The following FOCAD variants were observed in gnomAD, a reference collection of about 807,000 sequenced individuals.
FOCAD encodes KIAA1797.
Under a neutral mutation model 225.6 loss-of-function variants are expected in FOCAD, and 198 were observed. The ratio of observed to expected loss-of-function variants is 0.88; its 90% confidence interval spans 0.78 to 0.99. FOCAD has a LOEUF of 0.99. Ranked by LOEUF, FOCAD falls within the 50% of genes least tolerant of loss-of-function variation. The probability of loss-of-function intolerance (pLI) is 0.00; values close to 1 mark genes in which losing one functional copy is unlikely to be tolerated. For missense variants in FOCAD, 2,713 were observed against 2,123.6 expected (o/e 1.28, Z -5.46); for synonymous variants, 897 against 755.0 (o/e 1.19, Z -3.08).
intron 7 of FOCAD, among the ~76,000 whole-genome samples, chr9:20,769,602 A>T (rs1250057309): frequency 1.3e-5 from 2 of 152,238 alleles, no homozygotes; most frequent in Non-Finnish European, 2.9e-5. Context: ...TATCTTGCAG[A>T]TAAAGGGCTT....
intron 30 of FOCAD, 112 bp downstream of exon 30, chr9:20,946,932 C>T (rs1837240720): frequency 7.5e-7 from 1 of 1,328,686 alleles, no homozygotes; most frequent in Non-Finnish European, 1.0e-6. Flanking sequence ...ATGTCTAGAA[C>T]TGAGGAACTT....
At chr9:20,801,272 A>T (rs1030272654) in intron 11 of FOCAD, among the ~76,000 whole-genome samples, 1 of 152,186 alleles carries the variant, frequency 6.6e-6, no homozygotes, top group Non-Finnish European at 1.5e-5. Flanking sequence ...AGGGGGTTTT[A>T]TAATGATTAA....
At chr9:20,723,825 A>G (rs1403601068) in intron 4 of FOCAD, among the ~76,000 whole-genome samples, 1 of 152,212 alleles carries the variant, frequency 6.6e-6, no homozygotes, top group East Asian at 1.9e-4. Flanking sequence ...GGTAATTTAT[A>G]AAGAAAAGTG....
chr9:20,947,944 G>T (rs1430287558), intron 30 of FOCAD, among the ~76,000 whole-genome samples: 1 of 152,120 alleles, frequency 6.6e-6, no homozygotes, highest in East Asian at 1.9e-4. Flanking sequence ...GATTGACCTT[G>T]TGTGGTCTAC....
chr9:20,760,450 C>T (rs1024646244), intron 6 of FOCAD, among the ~76,000 whole-genome samples: 1 of 152,244 alleles, frequency 6.6e-6, no homozygotes, highest in Non-Finnish European at 1.5e-5. Flanking sequence ...TTATCTTCAT[C>T]TCGCAGTTTA....
At chr9:20,955,124 A>G (rs1366318052) in intron 35 of FOCAD, among the ~76,000 whole-genome samples, 1 of 152,226 alleles carries the variant, frequency 6.6e-6, no homozygotes, top group African/African-American at 2.4e-5. Context: ...TGAGGAATAA[A>G]TGGTTTTAGA....
intron 8 of FOCAD, among the ~76,000 whole-genome samples, chr9:20,776,996 G>A (rs1375740328): frequency 6.6e-6 from 1 of 152,092 alleles, no homozygotes; most frequent in Non-Finnish European, 1.5e-5. Context: ...GTTTTCGACT[G>A]TATTTCAAAA....
chr9:20,869,457 C>G (rs910741141), intron 18 of FOCAD, among the ~76,000 whole-genome samples: 8 of 152,008 alleles, frequency 5.3e-5, no homozygotes, highest in Non-Finnish European at 1.2e-4. Context: ...TTGTTGATTG[C>G]TGAACATCAA....
At chr9:20,862,776 T>C in intron 16 of FOCAD, 64 bp downstream of exon 16, 1 of 1,540,210 alleles carries the variant, frequency 6.5e-7, no homozygotes, top group Non-Finnish European at 8.8e-7. Context: ...TTATAATAAC[T>C]TTTGGAATAA....
intron 1 of FOCAD, among the ~76,000 whole-genome samples, chr9:20,698,095 A>G (rs1823525265): frequency 6.6e-6 from 1 of 152,246 alleles, no homozygotes; most frequent in Admixed American, 6.5e-5. Context: ...TTTCAAGTGA[A>G]TAAATAAGAT....
At chr9:20,809,342 A>T (rs1001397460) in intron 11 of FOCAD, among the ~76,000 whole-genome samples, 1 of 152,190 alleles carries the variant, frequency 6.6e-6, no homozygotes, top group African/African-American at 2.4e-5. Context: ...GTCACATGTA[A>T]CTATTAAGCC....
chr9:20,811,863 C>A (rs1450925124), intron 11 of FOCAD, among the ~76,000 whole-genome samples: 1 of 151,986 alleles, frequency 6.6e-6, no homozygotes, highest in Admixed American at 6.6e-5. Context: ...AAAGTCTCTT[C>A]CAATATTAAG....
chr9:20,877,222 GGTT>G (rs932071917), intron 19 of FOCAD, among the ~76,000 whole-genome samples: 47 of 152,022 alleles, frequency 3.1e-4, no homozygotes, highest in African/African-American at 1.1e-3. Context: ...GTCCTTGAGG[GGTT>G]TGGGCCATCA....
intron 15 of FOCAD, among the ~76,000 whole-genome samples, chr9:20,853,940 G>A (rs769540872): frequency 2.0e-5 from 3 of 151,684 alleles, no homozygotes; most frequent in Non-Finnish European, 3.0e-5. Context: ...CTCTTATCCC[G>A]TTATTGTGTT....
chr9:20,925,240 G>A lies in FOCAD; in HGVS notation c.2962-1061G>A, dbSNP rs1038650525. Among the ~76,000 whole-genome samples, 47 of 152,120 alleles carry A rather than the reference G, an allele frequency of 3.1e-4. 1 individual carries two copies. The highest frequency in any genetic ancestry group is 1.1e-3 in the African/African-American group (46 of 41,404). On this transcript the variant is annotated intron_variant, in intron 25 of 43. Coordinates refer to ENST00000338382, the MANE Select transcript of FOCAD (RefSeq NM_001375567.1). ...AGAGCCATGGAATATTTTAGCAGAG[G>A]CAACATGCTGCATAGATCTACAACC...
chr9:20,914,670 G>A (rs1437598321), intron 23 of FOCAD, among the ~76,000 whole-genome samples: 1 of 152,144 alleles, frequency 6.6e-6, no homozygotes, highest in Non-Finnish European at 1.5e-5. Flanking sequence ...TAGTGGACAT[G>A]AGAGTAGAGA....
At chr9:20,809,774 G>A (rs1822855240) in intron 11 of FOCAD, among the ~76,000 whole-genome samples, 1 of 152,118 alleles carries the variant, frequency 6.6e-6, no homozygotes, top group Non-Finnish European at 1.5e-5. Context: ...TTTGTCAGTT[G>A]TGTCATCAAA....
chr9:20,717,716 C>A, intron 2 of FOCAD, 78 bp from the exon 3 acceptor site: 1 of 1,097,424 alleles, frequency 9.1e-7, no homozygotes, highest in Non-Finnish European at 1.3e-6. Flanking sequence ...GACTGCCTGG[C>A]ATACTCATAT....
intron 4 of FOCAD, among the ~76,000 whole-genome samples, chr9:20,729,690 C>T (rs1307444121): frequency 2.6e-5 from 4 of 152,090 alleles, no homozygotes; most frequent in African/African-American, 9.7e-5. Flanking sequence ...AATGCTATTC[C>T]TGAGGAGTCC....
Sources: allele counts gnomAD v4.1 joint callset (sites outside exome capture counted in the v4.1 genomes callset), GRCh38; gene constraint gnomAD v4.1.1; transcripts MANE v1.5; gene names NCBI Gene and HGNC (gene_info 2026-07-23, HGNC 2026-07-21).